Variants in CTNNA2 observed in about 807,000 individuals in gnomAD.
CTNNA2 encodes catenin alpha-2.
Under a neutral mutation model 101.0 loss-of-function variants are expected in CTNNA2, and 42 were observed. The observed-to-expected ratio is 0.42, with a 90% confidence interval of 0.32 to 0.54. The LOEUF (loss-of-function observed/expected upper bound fraction) is 0.54, where lower values mean the gene tolerates loss of function less well. CTNNA2 is among the 20% of genes least tolerant of loss of function. CTNNA2 has a pLI of 0.14. For missense variants in CTNNA2, 871 were observed against 1,223.1 expected (o/e 0.71, Z 4.29); for synonymous variants, 450 against 456.4 (o/e 0.99, Z 0.18).
chr2:79,376,674 C>T (rs560872364), intron 4 of CTNNA2, among the ~76,000 whole-genome samples: 1 of 152,118 alleles, frequency 6.6e-6, no homozygotes, highest in South Asian at 2.1e-4. Flanking sequence ...TGTGATGTTC[C>T]CCTTGCTGTG....
chr2:80,387,804 C>T (rs1027924151), intron 7 of CTNNA2, among the ~76,000 whole-genome samples: 6 of 152,232 alleles, frequency 3.9e-5, no homozygotes, highest in Admixed American at 6.5e-5. Flanking sequence ...TCCCCAAATG[C>T]GTTTTGTAAA....
chr2:80,009,527 A>G (rs776617664), intron 7 of CTNNA2, among the ~76,000 whole-genome samples: 47 of 152,304 alleles, frequency 3.1e-4, no homozygotes, highest in Non-Finnish European at 5.6e-4. Context: ...CCCAAAACAC[A>G]CAGGCATGCA....
intron 2 of CTNNA2, among the ~76,000 whole-genome samples, chr2:79,305,851 C>G (rs1361792099): frequency 1.3e-5 from 2 of 151,944 alleles, no homozygotes; most frequent in African/African-American, 4.8e-5. Context: ...CGAGACCATC[C>G]TGGCTAACAC....
chr2:80,091,953 C>T (rs1004698610), intron 7 of CTNNA2, among the ~76,000 whole-genome samples: 4 of 152,078 alleles, frequency 2.6e-5, no homozygotes, highest in Non-Finnish European at 4.4e-5. Context: ...CTTAGACATA[C>T]CCCATGTTTG....
chr2:79,683,999 C>T (rs905759034), intron 2 of CTNNA2, among the ~76,000 whole-genome samples: 6 of 152,084 alleles, frequency 3.9e-5, no homozygotes, highest in Non-Finnish European at 8.8e-5. Flanking sequence ...GCTAATCTTT[C>T]CTACTCCATA....
chr2:79,832,369 C>T (rs2861904), intron 3 of CTNNA2, among the ~76,000 whole-genome samples: 51,262 of 152,122 alleles, frequency 0.34, 9,169 homozygotes, highest in South Asian at 0.42. Context: ...TCTGGATTTT[C>T]GGGCAGATTT....
chr2:79,484,534 C>G (rs1671140069), intron 4 of CTNNA2, among the ~76,000 whole-genome samples: 1 of 152,070 alleles, frequency 6.6e-6, no homozygotes, highest in African/African-American at 2.4e-5. Flanking sequence ...AATTCCTTTT[C>G]TGGTTTCAAC....
rs141495236 is a variant in CTNNA2 at position 79,803,992 on chromosome 2, A to C, written c.299-54021A>C. ...ATAAAGGTCACTAGACTCTTGACTA[A>C]GAGGCAGCTGGCCATGTGGTAGTTG... On this transcript the variant is annotated intron_variant, in intron 3 of 18. Transcript: ENST00000402739. Among the ~76,000 whole-genome samples, 679 of 152,378 alleles carry C rather than the reference A, an allele frequency of 4.5e-3. 5 individuals are homozygous for C. Among genetic ancestry groups the C allele is most frequent in the African/African-American group, 0.015 (643 of 41,596 alleles).
intron 2 of CTNNA2, among the ~76,000 whole-genome samples, chr2:79,292,356 T>C (rs1264298493): frequency 6.6e-6 from 1 of 152,208 alleles, no homozygotes; most frequent in Non-Finnish European, 1.5e-5. Flanking sequence ...TAGTTCACTC[T>C]GCAGTCACTG....
chr2:79,551,261 C>A (rs1342856131), intron 1 of CTNNA2, among the ~76,000 whole-genome samples: 1 of 151,652 alleles, frequency 6.6e-6, no homozygotes, highest in Admixed American at 6.6e-5. Flanking sequence ...GTTTTGAGGA[C>A]CTCAGTATTT....
intron 1 of CTNNA2, among the ~76,000 whole-genome samples, chr2:79,519,629 G>A (rs1290134125): frequency 7.2e-5 from 11 of 151,798 alleles, no homozygotes; most frequent in African/African-American, 1.9e-4. Context: ...TTTTCATTGT[G>A]TTCCATTTGT....
At chr2:79,537,364 C>A (rs1673137033) in intron 1 of CTNNA2, among the ~76,000 whole-genome samples, 1 of 152,194 alleles carries the variant, frequency 6.6e-6, no homozygotes, top group Admixed American at 6.5e-5. Context: ...TGCTCAGTTC[C>A]TGCACTCCTA....
chr2:79,475,095 T>A (rs1053632824), intron 4 of CTNNA2, among the ~76,000 whole-genome samples: 2 of 151,196 alleles, frequency 1.3e-5, no homozygotes, highest in Non-Finnish European at 3.0e-5. Context: ...GTGAAGACTC[T>A]GAGGAATTCT....
intron 7 of CTNNA2, among the ~76,000 whole-genome samples, chr2:80,063,354 G>A (rs1046400981): frequency 2.0e-5 from 3 of 152,082 alleles, no homozygotes; most frequent in Non-Finnish European, 4.4e-5. Flanking sequence ...TAAATGCTTT[G>A]AGCATAAGGA....
intron 3 of CTNNA2, among the ~76,000 whole-genome samples, chr2:79,755,391 G>T (rs748163798): frequency 2.0e-5 from 3 of 152,198 alleles, no homozygotes; most frequent in Non-Finnish European, 4.4e-5. Context: ...AGACCTTGAA[G>T]TTGGAATGGA....
At chr2:79,588,735 T>G (rs1475410209) in intron 1 of CTNNA2, among the ~76,000 whole-genome samples, 1 of 152,182 alleles carries the variant, frequency 6.6e-6, no homozygotes, top group East Asian at 1.9e-4. Context: ...TAGAGTTTCC[T>G]GTATTTATAG....
chr2:79,835,621 T>G (rs562490988), intron 3 of CTNNA2, among the ~76,000 whole-genome samples: 5 of 148,754 alleles, frequency 3.4e-5, no homozygotes, highest in African/African-American at 5.0e-5. Flanking sequence ...ATGTGAAGCC[T>G]AAAGGATCCT....
intron 7 of CTNNA2, among the ~76,000 whole-genome samples, chr2:79,924,498 C>G (rs562911622): frequency 3.9e-5 from 6 of 152,216 alleles, no homozygotes; most frequent in African/African-American, 1.2e-4. Context: ...AATGGAATTT[C>G]AGAAAAGAGC....
At chr2:79,606,840 AT>A (rs1351064351) in intron 1 of CTNNA2, among the ~76,000 whole-genome samples, 2 of 152,214 alleles carry the variant, frequency 1.3e-5, no homozygotes, top group Non-Finnish European at 2.9e-5. Context: ...TTTAAAAAGT[AT>A]TTAATTCAAA....
Sources: gnomAD v4.1 joint callset for allele counts (sites outside exome capture counted in the v4.1 genomes callset) on GRCh38, gnomAD v4.1.1 for gene constraint, MANE v1.5 for transcripts, NCBI Gene and HGNC (gene_info 2026-07-23, HGNC 2026-07-21) for gene names.